TBXA2R: variants seen among roughly 807,000 people sequenced by gnomAD.
TBXA2R encodes thromboxane A2 receptor, also known as prostanoid TP receptor.
TBXA2R carries 15 observed loss-of-function variants against 15.6 expected under a neutral mutation model. The observed-to-expected ratio is 0.96, with a 90% confidence interval of 0.64 to 1.48. The LOEUF is 1.48. Ranked by LOEUF, TBXA2R falls within the 40% of genes most tolerant of loss-of-function variation. TBXA2R has a pLI of 0.00. For missense variants in TBXA2R, 506 were observed against 491.4 expected, an observed-to-expected ratio of 1.03 and a Z score of -0.28; for synonymous variants, 280 against 241.2, an observed-to-expected ratio of 1.16 and a Z score of -1.49.
Position 3,595,051 on chromosome 19 carries a change from G to T in TBXA2R, c.*637C>A, listed in dbSNP as rs2032568569. 2.0e-6 allele frequency: 2 copies of T among 983,084 alleles called. No homozygotes were observed. The highest frequency in any genetic ancestry group is 3.0e-6 in the Non-Finnish European group (2 of 658,016). 60.9% of individuals were successfully genotyped at this position (983,084 alleles called of 1,614,324 possible). A position where few individuals can be genotyped will look rare whatever the true frequency, so the allele number is the denominator to read the frequency against. On this transcript the variant is annotated 3_prime_UTR_variant, in exon 3 of 3. Coordinates refer to ENST00000375190, the MANE Select transcript of TBXA2R (RefSeq NM_001060.6). ...GCCGAGATCGTGCCACTGTACTCCA[G>T]GCTGGGCCACAGAGTGAGACTCCGT...
chr19:3,598,755 G>A (rs1283072241), intron 2 of TBXA2R, among the ~76,000 whole-genome samples: 3 of 151,518 alleles, frequency 2.0e-5, no homozygotes, highest in Non-Finnish European at 4.4e-5. Context: ...TGCAACTTCC[G>A]CCTCCTGGGT....
chr19:3,600,540 G>A lies in TBXA2R; in HGVS notation c.95C>T (p.Ala32Val). ...RRLIASPWFA[A>V]SFCVVGLASN... is the part of the protein sequence containing the mutation. ...GGCCAGGCCCACCACGCAGAAGGAG[G>A]CGGCGAACCAGGGCGAGGCGATCAG... Residue 32 changes from alanine (A) to valine (V), a missense_variant, in exon 2 of 3, where the codon GCC (alanine) becomes GTC (valine). Ala to Val is a moderately conservative substitution (Grantham distance 64, BLOSUM62 0). Transcript: ENST00000375190. 6.2e-7 allele frequency: 1 copy of A among 1,611,974 alleles called. No individual in the cohort carries two copies. The highest frequency in any genetic ancestry group is 8.5e-7 in the Non-Finnish European group (1 of 1,178,998).
chr19:3,604,204 G>A (rs1025550683), intron 1 of TBXA2R, among the ~76,000 whole-genome samples: 1 of 151,442 alleles, frequency 6.6e-6, no homozygotes, highest in African/African-American at 2.4e-5. Flanking sequence ...AATCTGCCTG[G>A]GTCCCGGGTT....
rs185429648 is a variant in TBXA2R at position 3,606,404 on chromosome 19, T to C, written c.-84+126A>G. On this transcript the variant is annotated intron_variant, in intron 1 of 2. Coordinates refer to ENST00000375190, the MANE Select transcript of TBXA2R (RefSeq NM_001060.6). ...GGCCACACAGGGGACACCTGGCACC[T>C]GGCCGCTGTCACCGCGGGCTTTGCG... 307 of 152,970 alleles carry C rather than the reference T, an allele frequency of 2.0e-3. 1 individual carries two copies. The highest frequency in any genetic ancestry group is 0.01 in the Middle Eastern group (3 of 298). 9.5% of individuals were successfully genotyped at this position (152,970 alleles called of 1,614,324 possible).
chr19:3,599,238 T>C (rs1316727493), intron 2 of TBXA2R, among the ~76,000 whole-genome samples: 2 of 152,108 alleles, frequency 1.3e-5, no homozygotes, highest in Non-Finnish European at 2.9e-5. Flanking sequence ...CACTGCAGCC[T>C]CAACCTCCCA....
intron 2 of TBXA2R, among the ~76,000 whole-genome samples, chr19:3,599,361 G>A (rs538620749): frequency 6.9e-6 from 1 of 144,802 alleles, no homozygotes; most frequent in East Asian, 2.0e-4. Flanking sequence ...ACGGAGTCTC[G>A]CTCTGTCGCC....
In TBXA2R at chr19:3,600,358, A is replaced by G. The variant is rs771499254; in HGVS notation, c.277T>C (p.Phe93Leu). The change falls in exon 2 of 3, where the codon TTC becomes CTC. Residue 93 changes from phenylalanine (F) to leucine (L), a missense_variant. Physicochemically the swap from Phe to Leu is conservative, Grantham distance 22. Transcript: ENST00000375190. ...TIVVSQHAAL[F>L]EWHAVDPGCR... ...CCAGGGTCCACGGCGTGCCACTCGA[A>G]GAGCGCGGCGTGCTGGGACACCACG... The G allele has an allele frequency of 6.2e-7, 1 of 1,613,396 alleles. No homozygotes were observed. Among genetic ancestry groups the G allele is most frequent in the South Asian group, 1.1e-5 (1 of 91,086 alleles).
At chr19:3,598,350 C>CTTTTTTTTTTTTTTTTTTTTTCTTTTTT (rs1177792648) in intron 2 of TBXA2R, among the ~76,000 whole-genome samples, 1 of 56,574 alleles carries the variant, frequency 1.8e-5, no homozygotes, top group East Asian at 2.7e-4. Context: ...CTTTTCTTTT[C>CTTTTTTTTTTTTTTTTTTTTTCTTTTTT]TTTTTTTTTT....
chr19:3,598,446 G>A (rs1040644785), intron 2 of TBXA2R, among the ~76,000 whole-genome samples: 7 of 147,038 alleles, frequency 4.8e-5, no homozygotes, highest in African/African-American at 1.8e-4. Flanking sequence ...CACCTCCTGG[G>A]CTCAAGCAAT....
At chr19:3,598,345 CTTTTCTTTTTTTTT>C (rs1232163434) in intron 2 of TBXA2R, among the ~76,000 whole-genome samples, 1 of 115,390 alleles carries the variant, frequency 8.7e-6, no homozygotes, top group Non-Finnish European at 1.8e-5. Flanking sequence ...TCTTTCTTTT[CTTTTCTTTTTTTTT>C]TTTTTTTTTG....
chr19:3,602,585 C>T (rs977654180), intron 1 of TBXA2R, among the ~76,000 whole-genome samples: 4 of 151,240 alleles, frequency 2.6e-5, no homozygotes, highest in Non-Finnish European at 5.9e-5. Flanking sequence ...AATAAAAATA[C>T]AAAAATTAGC....
chr19:3,596,217 T>TG (rs1169684961), intron 2 of TBXA2R, among the ~76,000 whole-genome samples: 1 of 151,816 alleles, frequency 6.6e-6, no homozygotes, highest in Non-Finnish European at 1.5e-5. Context: ...TTCGTAGAGA[T>TG]GGGGGTTTCA....
chr19:3,595,702 AGCGCT>A lies in TBXA2R; in HGVS notation c.1013_1017del (p.Gln338LeufsTer51). 2 of 1,590,052 alleles carry A rather than the reference AGCGCT, an allele frequency of 1.3e-6. No individual in the cohort carries two copies. The highest frequency in any genetic ancestry group is 3.6e-5 in the Admixed American group (2 of 55,318). On this transcript the variant is annotated frameshift_variant, in exon 3 of 3. Transcript: ENST00000375190. LOFTEE classifies it low-confidence loss of function (END_TRUNC). ...CTGTCCACTTCCTACTGCAGCCCGG[AGCGCT>A]GCGTGAGCTGGGGCTGGAGGGACAG... is the stretch of plus-strand genomic sequence containing the variant.
chr19:3,600,768 A>G lies in TBXA2R; in HGVS notation c.-83-51T>C. On this transcript the variant is annotated intron_variant, in intron 1 of 2. Coordinates refer to ENST00000375190, the MANE Select transcript of TBXA2R (RefSeq NM_001060.6). ...GTGATTAATTCTGCATTTCAGTGTA[A>G]GTAGCTCTGGTGAACTCCTACACAA... is the stretch of plus-strand genomic sequence containing the variant. The G allele has an allele frequency of 6.0e-6, 6 of 1,001,868 alleles. No individual in the cohort carries two copies. The South Asian group carries it at 8.6e-5, about 14-fold the overall frequency. The allele number at this position is 1,001,868 out of a possible 1,614,324, so 62.1% of individuals were successfully genotyped here. A position where few individuals can be genotyped will look rare whatever the true frequency, so the allele number is the denominator to read the frequency against.
In TBXA2R at chr19:3,595,635, C is replaced by A; in HGVS notation, c.*53G>T. The A allele has an allele frequency of 6.6e-7, 1 of 1,514,158 alleles. No individual in the cohort carries two copies. The highest frequency in any genetic ancestry group is 8.9e-7 in the Non-Finnish European group (1 of 1,126,168). The allele number at this position is 1,514,158 out of a possible 1,614,324, so 93.8% of individuals were successfully genotyped here. On this transcript the variant is annotated 3_prime_UTR_variant, in exon 3 of 3. Coordinates refer to ENST00000375190, the MANE Select transcript of TBXA2R (RefSeq NM_001060.6). ...CCTCAGAACAGGCAGATGGGCTGTCCGAGGGGCCAAGGGCTCCGCGGAAAG... is the reference window on the plus strand; with the variant it reads ...CCTCAGAACAGGCAGATGGGCTGTCAGAGGGGCCAAGGGCTCCGCGGAAAG...
intron 2 of TBXA2R, among the ~76,000 whole-genome samples, chr19:3,596,733 C>T (rs2032611640): frequency 1.3e-5 from 2 of 150,906 alleles, no homozygotes; most frequent in East Asian, 1.9e-4. Context: ...AGGCGCCCAC[C>T]ACCACATCCG....
chr19:3,599,999 G>T lies in TBXA2R; in HGVS notation c.636C>A (p.Phe212Leu). 1.2e-6 allele frequency: 2 copies of T among 1,609,984 alleles called. No homozygotes were observed. Among genetic ancestry groups the T allele is most frequent in the South Asian group, 2.2e-5 (2 of 90,520 alleles). The change falls in exon 2 of 3, where the codon TTC becomes TTA. Residue 212 changes from phenylalanine (F) to leucine (L), a missense_variant. Transcript: ENST00000375190. ...MLGGLSVGLS[F>L]LLNTVSVATL... ...TGGCCACGCTGACCGTGTTCAGCAG[G>T]AAGGACAGCCCGACCGAGAGGCCGC... is the stretch of plus-strand genomic sequence containing the variant.
Position 3,594,984 on chromosome 19 carries a change from G to A in TBXA2R, c.*704C>T, listed in dbSNP as rs964146372. 2.0e-5 allele frequency: 30 copies of A among 1,524,332 alleles called. No homozygotes were observed. In the African/African-American group the frequency reaches 3.9e-4, roughly 20 times the overall value. The allele number at this position is 1,524,332 out of a possible 1,614,324, so 94.4% of individuals were successfully genotyped here. A position where few individuals can be genotyped will look rare whatever the true frequency, so the allele number is the denominator to read the frequency against. ...AATCCCAGCTGCTCGGGAGGCTGAG[G>A]CACGAGAATCGCTTGAACCCGGGAG... On this transcript the variant is annotated 3_prime_UTR_variant, in exon 3 of 3. Coordinates refer to ENST00000375190, the MANE Select transcript of TBXA2R (RefSeq NM_001060.6).
chr19:3,604,979 C>G (rs1368012830), intron 1 of TBXA2R, among the ~76,000 whole-genome samples: 3 of 152,134 alleles, frequency 2.0e-5, no homozygotes. Flanking sequence ...GAGGCAGACA[C>G]ACTCCACACC....
Sources: allele counts gnomAD v4.1 joint callset (sites outside exome capture counted in the v4.1 genomes callset), GRCh38; gene constraint gnomAD v4.1.1; transcripts MANE v1.5; gene names NCBI Gene and HGNC (gene_info 2026-07-23, HGNC 2026-07-21).